The following COMMD1 variants were observed in gnomAD, a reference collection of about 807,000 sequenced individuals.
The protein encoded by COMMD1 is COMM domain-containing protein 1.
A neutral mutation model predicts 17.2 loss-of-function variants in COMMD1; 10 were observed. That is an observed-to-expected ratio of 0.58 (90% CI 0.36 to 0.99). The LOEUF (loss-of-function observed/expected upper bound fraction) is 0.99. Ranked by LOEUF, COMMD1 falls within the 50% of genes least tolerant of loss-of-function variation. COMMD1 has a pLI of 0.01. For missense variants in COMMD1, 270 were observed against 231.8 expected, an observed-to-expected ratio of 1.17 and a Z score of -1.07; for synonymous variants, 97 against 91.6, an observed-to-expected ratio of 1.06 and a Z score of -0.34.
intron 2 of COMMD1, among the ~76,000 whole-genome samples, chr2:62,123,050 G>T (rs1672790029): frequency 6.6e-6 from 1 of 152,130 alleles, no homozygotes; most frequent in South Asian, 2.1e-4. Context: ...AGCAGCCTTG[G>T]TAACTGAGTG....
At chr2:61,971,132 C>G (rs1448209993) in intron 1 of COMMD1, among the ~76,000 whole-genome samples, 1 of 152,202 alleles carries the variant, frequency 6.6e-6, no homozygotes, top group Non-Finnish European at 1.5e-5. Flanking sequence ...GGATAGCGCT[C>G]AAAATCCTAA....
chr2:62,012,270 T>TACACATAC (rs1553379281), intron 2 of COMMD1, among the ~76,000 whole-genome samples: 1 of 129,896 alleles, frequency 7.7e-6, no homozygotes, highest in South Asian at 2.5e-4. Context: ...CACACACACA[T>TACACATAC]ACACACACAC....
intron 1 of COMMD1, among the ~76,000 whole-genome samples, chr2:61,919,903 G>A (rs1416564378): frequency 6.6e-6 from 1 of 152,016 alleles, no homozygotes. Context: ...GAGGTGGGAG[G>A]ATTGCTTGAG....
intron 1 of COMMD1, among the ~76,000 whole-genome samples, chr2:61,995,701 C>T (rs1399991245): frequency 6.6e-6 from 1 of 152,210 alleles, no homozygotes; most frequent in African/African-American, 2.4e-5. Flanking sequence ...CCTGGCTTAA[C>T]TGTTGAGGCT....
At chr2:62,077,260 T>C (rs1386805518) in intron 2 of COMMD1, among the ~76,000 whole-genome samples, 3 of 152,232 alleles carry the variant, frequency 2.0e-5, no homozygotes, top group Non-Finnish European at 4.4e-5. Flanking sequence ...GTATTTATTG[T>C]TCCAATTTAT....
chr2:61,950,673 A>C (rs1043933264), intron 1 of COMMD1, among the ~76,000 whole-genome samples: 20 of 152,344 alleles, frequency 1.3e-4, no homozygotes, highest in African/African-American at 4.3e-4. Flanking sequence ...ATAACTAAGT[A>C]AAACAAAGGT....
chr2:62,123,024 G>C (rs1320149808), intron 2 of COMMD1, among the ~76,000 whole-genome samples: 1 of 152,154 alleles, frequency 6.6e-6, no homozygotes, highest in Non-Finnish European at 1.5e-5. Context: ...AGGTTCCCTA[G>C]GTTTTCTTGA....
At chr2:61,925,196 G>A (rs185754949) in intron 1 of COMMD1, among the ~76,000 whole-genome samples, 1 of 151,676 alleles carries the variant, frequency 6.6e-6, no homozygotes, top group South Asian at 2.1e-4. Flanking sequence ...AGAGAGTGGG[G>A]GAGAGAGAGA....
intron 2 of COMMD1, among the ~76,000 whole-genome samples, chr2:62,058,772 C>G (rs1670778720): frequency 6.6e-6 from 1 of 151,918 alleles, no homozygotes; most frequent in Non-Finnish European, 1.5e-5. Flanking sequence ...AATAACAACA[C>G]ATTTTCTTTC....
At chr2:62,094,067 C>T (rs1343414305) in intron 2 of COMMD1, among the ~76,000 whole-genome samples, 2 of 152,152 alleles carry the variant, frequency 1.3e-5, no homozygotes, top group Non-Finnish European at 2.9e-5. Flanking sequence ...CAAATTAACT[C>T]AGCATTCTCT....
intron 2 of COMMD1, among the ~76,000 whole-genome samples, chr2:62,052,880 G>A (rs1454394712): frequency 6.6e-6 from 1 of 152,118 alleles, no homozygotes; most frequent in South Asian, 2.1e-4. Flanking sequence ...ACCAGCCTGG[G>A]CAACATGACA....
chr2:62,122,033 C>T (rs748969410), intron 2 of COMMD1, among the ~76,000 whole-genome samples: 7 of 152,124 alleles, frequency 4.6e-5, no homozygotes, highest in African/African-American at 9.7e-5. Context: ...TCAAGTGATC[C>T]GCCTACATAG....
intron 2 of COMMD1, among the ~76,000 whole-genome samples, chr2:62,035,390 A>G (rs1670011226): frequency 6.6e-6 from 1 of 152,158 alleles, no homozygotes; most frequent in Non-Finnish European, 1.5e-5. Context: ...TCCCAGTTCT[A>G]TGTTTGTGTG....
At chr2:62,131,462 C>T (rs1664883465) in intron 2 of COMMD1, among the ~76,000 whole-genome samples, 1 of 152,230 alleles carries the variant, frequency 6.6e-6, no homozygotes, top group Non-Finnish European at 1.5e-5. Context: ...CTTGTACCTT[C>T]TGCCTCTGGC....
chr2:62,130,751 A>G (rs1418232306), intron 2 of COMMD1, among the ~76,000 whole-genome samples: 1 of 152,234 alleles, frequency 6.6e-6, no homozygotes, highest in South Asian at 2.1e-4. Context: ...TTGTCACTGT[A>G]GTATTGTTTT....
intron 1 of COMMD1, among the ~76,000 whole-genome samples, 166 bp downstream of exon 1, chr2:61,906,024 T>C (rs1049728306): frequency 1.3e-5 from 2 of 152,246 alleles, no homozygotes; most frequent in Admixed American, 1.3e-4. Flanking sequence ...TTGCTCGTTC[T>C]GTCGCCCCTT....
At chr2:62,019,047 T>TCCCTCCCTCCCTCCCTCCCTCCC (rs1558564707) in intron 2 of COMMD1, among the ~76,000 whole-genome samples, 2 of 31,084 alleles carry the variant, frequency 6.4e-5, no homozygotes, top group African/African-American at 3.2e-4. Flanking sequence ...CCCTCCCTCC[T>TCCCTCCCTCCCTCCCTCCCTCCC]TCCTTCCTTT....
intron 2 of COMMD1, among the ~76,000 whole-genome samples, chr2:62,116,726 C>G (rs1178682075): frequency 6.7e-6 from 1 of 148,632 alleles, no homozygotes; most frequent in African/African-American, 2.5e-5. Flanking sequence ...TGGCTCATGC[C>G]TGTAAATCCC....
At chr2:62,030,083 C>T (rs1669872227) in intron 2 of COMMD1, among the ~76,000 whole-genome samples, 2 of 152,158 alleles carry the variant, frequency 1.3e-5, no homozygotes, top group Non-Finnish European at 2.9e-5. Flanking sequence ...ATGGGGAAAC[C>T]CAGCAAAGCC....
Sources: gnomAD v4.1 joint callset for allele counts (sites outside exome capture counted in the v4.1 genomes callset) on GRCh38, gnomAD v4.1.1 for gene constraint, MANE v1.5 for transcripts, NCBI Gene and HGNC (gene_info 2026-07-23, HGNC 2026-07-21) for gene names.